The following FGF10 variants were observed in gnomAD, a reference collection of about 807,000 sequenced individuals.
FGF10 encodes fibroblast growth factor 10.
A neutral mutation model predicts 19.8 loss-of-function variants in FGF10; 2 were observed. The observed-to-expected ratio is 0.10, with a 90% confidence interval of 0.04 to 0.32. The LOEUF (loss-of-function observed/expected upper bound fraction) is 0.32. Among genes scored for constraint, FGF10 ranks in the 10% least tolerant of loss-of-function variants. The probability of loss-of-function intolerance (pLI) is 1.00; values close to 1 mark genes in which losing one functional copy is unlikely to be tolerated. For missense variants in FGF10, 191 were observed against 246.3 expected, an observed-to-expected ratio of 0.78 and a Z score of 1.50; for synonymous variants, 112 against 94.0, an observed-to-expected ratio of 1.19 and a Z score of -1.10.
intron 1 of FGF10, among the ~76,000 whole-genome samples, chr5:44,386,000 A>T (rs1742088838): frequency 6.6e-6 from 1 of 152,170 alleles, no homozygotes; most frequent in South Asian, 2.1e-4. Flanking sequence ...GTTGATTAAG[A>T]TTGCATTACC....
chr5:44,320,157 T>A lies in FGF10; in HGVS notation c.326-9627A>T, dbSNP rs148366222. On this transcript the variant is annotated intron_variant, in intron 1 of 2. Coordinates refer to ENST00000264664, the MANE Select transcript of FGF10 (RefSeq NM_004465.2). Reference sequence around the variant, plus strand: ...GGTGATGCTAGCACTGAGGAGCAGATGCAAATATAGATGAACGTTAGCAGA... The same window carrying A: ...GGTGATGCTAGCACTGAGGAGCAGAAGCAAATATAGATGAACGTTAGCAGA... Among the ~76,000 whole-genome samples, 4 of 152,308 alleles carry A rather than the reference T, an allele frequency of 2.6e-5. No individual in the cohort carries two copies. In the East Asian group the frequency reaches 7.7e-4, roughly 29 times the overall value.
At chr5:44,351,803 A>T (rs1024736174) in intron 1 of FGF10, among the ~76,000 whole-genome samples, 2 of 151,696 alleles carry the variant, frequency 1.3e-5, no homozygotes, top group Non-Finnish European at 3.0e-5. Context: ...CAGTGTAATA[A>T]TTTTTGCCAA....
intron 1 of FGF10, among the ~76,000 whole-genome samples, chr5:44,382,451 G>A (rs748740308): frequency 3.4e-4 from 52 of 152,144 alleles, no homozygotes; most frequent in Non-Finnish European, 5.9e-4. Context: ...CAGTATCAGA[G>A]TGTCACTAGT....
At chr5:44,347,323 C>G (rs562501506) in intron 1 of FGF10, among the ~76,000 whole-genome samples, 6 of 151,682 alleles carry the variant, frequency 4.0e-5, no homozygotes, top group Non-Finnish European at 8.8e-5. Context: ...TCAAGTCACA[C>G]TCTCCTGCCT....
At chr5:44,337,168 T>G (rs1467475691) in intron 1 of FGF10, among the ~76,000 whole-genome samples, 1 of 152,156 alleles carries the variant, frequency 6.6e-6, no homozygotes, top group East Asian at 1.9e-4. Context: ...TTATGTTATA[T>G]TAGTGATCCC....
At chr5:44,333,385 T>C (rs1740780755) in intron 1 of FGF10, among the ~76,000 whole-genome samples, 1 of 152,162 alleles carries the variant, frequency 6.6e-6, no homozygotes, top group South Asian at 2.1e-4. Flanking sequence ...AATATAGACC[T>C]AAGCAAGGAA....
intron 1 of FGF10, among the ~76,000 whole-genome samples, chr5:44,346,380 T>G (rs1312006501): frequency 6.6e-6 from 1 of 151,884 alleles, no homozygotes; most frequent in Non-Finnish European, 1.5e-5. Context: ...GTTTTTCACT[T>G]ACATCAATCC....
chr5:44,300,314 A>G lies in FGF10; in HGVS notation c.*4681T>C, dbSNP rs777385147. Reference sequence around the variant, plus strand: ...GACATCAGGGTTTCAGATTTTTTCTATATGTCGATACACTTGAAAATACTA... The same window carrying G: ...GACATCAGGGTTTCAGATTTTTTCTGTATGTCGATACACTTGAAAATACTA... On this transcript the variant is annotated 3_prime_UTR_variant, in exon 3 of 3. Coordinates refer to ENST00000264664, the MANE Select transcript of FGF10 (RefSeq NM_004465.2). Among the ~76,000 whole-genome samples the G allele has an allele frequency of 6.6e-6, 1 of 152,002 alleles. No homozygotes were observed. Among genetic ancestry groups the G allele is most frequent in the Non-Finnish European group, 1.5e-5 (1 of 68,004 alleles).
intron 1 of FGF10, among the ~76,000 whole-genome samples, chr5:44,385,265 C>A (rs1476234468): frequency 1.3e-5 from 2 of 152,060 alleles, no homozygotes; most frequent in Non-Finnish European, 2.9e-5. Flanking sequence ...TAGCCCCCCA[C>A]CCTCAAAAAT....
intron 1 of FGF10, among the ~76,000 whole-genome samples, chr5:44,326,516 T>C (rs1186614311): frequency 6.6e-6 from 1 of 151,856 alleles, no homozygotes; most frequent in African/African-American, 2.4e-5. Flanking sequence ...CTCCCAACTC[T>C]GCCTCCCAAG....
At chr5:44,364,978 T>C (rs1469074918) in intron 1 of FGF10, among the ~76,000 whole-genome samples, 1 of 151,842 alleles carries the variant, frequency 6.6e-6, no homozygotes, top group Non-Finnish European at 1.5e-5. Flanking sequence ...ATAAGAGATA[T>C]GAGTTAAAAA....
At chr5:44,324,538 ACT>A (rs1029813023) in intron 1 of FGF10, among the ~76,000 whole-genome samples, 7 of 152,192 alleles carry the variant, frequency 4.6e-5, no homozygotes, top group African/African-American at 1.7e-4. Flanking sequence ...CAGAAGAAAG[ACT>A]CTCTTAATAT....
chr5:44,378,593 G>A (rs1223525084), intron 1 of FGF10, among the ~76,000 whole-genome samples: 2 of 152,024 alleles, frequency 1.3e-5, no homozygotes, highest in South Asian at 2.1e-4. Context: ...CACCGCGCCC[G>A]GCTAATTTTT....
chr5:44,377,186 G>A (rs895340197), intron 1 of FGF10, among the ~76,000 whole-genome samples: 1 of 152,130 alleles, frequency 6.6e-6, no homozygotes, highest in Non-Finnish European at 1.5e-5. Context: ...CTTATCCTCA[G>A]TGTGACCTCC....
Position 44,388,774 on chromosome 5 carries a change from G to A in FGF10, c.-92C>T. ...ATGCAAGGCAAGGAGAGAGCTCGAG[G>A]TGGTGGCTGCTGGTTAGCTCCCTCT... On this transcript the variant is annotated 5_prime_UTR_variant, in exon 1 of 3. Coordinates refer to ENST00000264664, the MANE Select transcript of FGF10 (RefSeq NM_004465.2). 1 of 1,356,120 alleles carries A rather than the reference G, an allele frequency of 7.4e-7. No individual in the cohort carries two copies. Among genetic ancestry groups the A allele is most frequent in the Non-Finnish European group, 1.0e-6 (1 of 959,970 alleles). The allele number at this position is 1,356,120 out of a possible 1,614,324, so 84.0% of individuals were successfully genotyped here.
At chr5:44,351,998 G>T (rs368093140) in intron 1 of FGF10, among the ~76,000 whole-genome samples, 11 of 151,442 alleles carry the variant, frequency 7.3e-5, no homozygotes, top group Non-Finnish European at 1.2e-4. Context: ...AGTAGTAAAA[G>T]AAACTAATAA....
At chr5:44,362,889 C>CACTT (rs1461680459) in intron 1 of FGF10, among the ~76,000 whole-genome samples, 1 of 151,684 alleles carries the variant, frequency 6.6e-6, no homozygotes, top group Non-Finnish European at 1.5e-5. Context: ...GTTATTCCAG[C>CACTT]ACTTACTGTA....
At chr5:44,322,630 T>C (rs1561201016) in intron 1 of FGF10, among the ~76,000 whole-genome samples, 1 of 152,080 alleles carries the variant, frequency 6.6e-6, no homozygotes, top group South Asian at 2.1e-4. Context: ...TCTCCATATG[T>C]TCTGGATTAA....
chr5:44,300,809 T>C lies in FGF10; in HGVS notation c.*4186A>G, dbSNP rs79132577. ...CTGTGGTCATGTCACTGAAGATTGG[T>C]CAATCACAATTCCCAAATCTCTTAT... On this transcript the variant is annotated 3_prime_UTR_variant, in exon 3 of 3. Transcript: ENST00000264664. 1.4e-3 allele frequency among the ~76,000 whole-genome samples: 207 copies of C among 152,138 alleles called. 3 individuals carry two copies. The highest frequency in any genetic ancestry group is 4.6e-3 in the African/African-American group (191 of 41,530).
Sources: allele counts gnomAD v4.1 joint callset (sites outside exome capture counted in the v4.1 genomes callset), GRCh38; gene constraint gnomAD v4.1.1; transcripts MANE v1.5; gene names NCBI Gene and HGNC (gene_info 2026-07-23, HGNC 2026-07-21).